GMEB1: variants seen among roughly 807,000 people sequenced by gnomAD.
GMEB1 encodes glucocorticoid modulatory element-binding protein 1.
A neutral mutation model predicts 52.4 loss-of-function variants in GMEB1; 6 were observed. The ratio of observed to expected loss-of-function variants is 0.11; its 90% CI spans 0.06 to 0.23. GMEB1 has a LOEUF of 0.23. GMEB1 is among the 10% of genes least tolerant of loss of function. The pLI, the probability that GMEB1 is intolerant of heterozygous loss-of-function variation, is 1.00. For missense variants in GMEB1, 486 were observed against 685.6 expected (o/e 0.71, Z 3.25); for synonymous variants, 255 against 244.9 (o/e 1.04, Z -0.38).
chr1:28,680,580 C>T lies in GMEB1; in HGVS notation c.-30-3003C>T, dbSNP rs527535300. Among the ~76,000 whole-genome samples the T allele has an allele frequency of 3.4e-4, 51 of 151,922 alleles. 1 individual carries two copies. The East Asian group carries it at 8.1e-3, about 24-fold the overall frequency. Reference sequence around the variant, plus strand: ...TGAAACCCAGTCTGTACTAAAAATACAAAAATTAGCTGGGCGTGGTGGTGC... The same window carrying T: ...TGAAACCCAGTCTGTACTAAAAATATAAAAATTAGCTGGGCGTGGTGGTGC... On this transcript the variant is annotated intron_variant, in intron 1 of 9. Coordinates refer to ENST00000373816, the MANE Select transcript of GMEB1 (RefSeq NM_001319674.2).
At chr1:28,700,374 C>G (rs1025453951) in intron 6 of GMEB1, among the ~76,000 whole-genome samples, 1 of 151,580 alleles carries the variant, frequency 6.6e-6, no homozygotes, top group South Asian at 2.1e-4. Flanking sequence ...ATTAGCTGGG[C>G]GTGGTGGTGA....
At chr1:28,679,824 G>T (rs1294511189) in intron 1 of GMEB1, among the ~76,000 whole-genome samples, 2 of 149,522 alleles carry the variant, frequency 1.3e-5, no homozygotes, top group Non-Finnish European at 1.5e-5. Context: ...TTTTTGAGTG[G>T]CAGTTTCACT....
At chr1:28,678,308 T>C (rs1242494776) in intron 1 of GMEB1, among the ~76,000 whole-genome samples, 4 of 143,162 alleles carry the variant, frequency 2.8e-5, no homozygotes, top group Non-Finnish European at 5.9e-5. Flanking sequence ...TTTTTGTTTG[T>C]TTGTTTGTTT....
intron 4 of GMEB1, among the ~76,000 whole-genome samples, chr1:28,692,134 C>T (rs989042997): frequency 2.6e-5 from 4 of 151,774 alleles, no homozygotes; most frequent in African/African-American, 9.7e-5. Context: ...CCTCAGCCTC[C>T]TCTGTAGCTG....
intron 7 of GMEB1, among the ~76,000 whole-genome samples, chr1:28,703,958 GAA>G (rs1670631256): frequency 6.6e-6 from 1 of 151,910 alleles, no homozygotes; most frequent in African/African-American, 2.4e-5. Flanking sequence ...CAAATTGAGA[GAA>G]TGACAAATTG....
chr1:28,702,230 C>T (rs1418066055), intron 6 of GMEB1, among the ~76,000 whole-genome samples: 1 of 152,252 alleles, frequency 6.6e-6, no homozygotes, highest in East Asian at 1.9e-4. Context: ...AGTAAGAAAG[C>T]ATTTTCCTTT....
chr1:28,676,141 G>A lies in GMEB1; in HGVS notation c.-31+7302G>A, dbSNP rs370692271. Among the ~76,000 whole-genome samples, 10 of 152,282 alleles carry A rather than the reference G, an allele frequency of 6.6e-5. 1 individual carries two copies. In the East Asian group the frequency reaches 9.6e-4, roughly 15 times the overall value. On this transcript the variant is annotated intron_variant, in intron 1 of 9. Transcript: ENST00000373816. ...AGAGTAAAATGTGAGTTCCTATTGA[G>A]GAAGGTATTAAGAAGTTAGTCAACC...
In GMEB1 at chr1:28,708,858, G is replaced by A. The variant is rs574203722; in HGVS notation, c.869-1662G>A. ...TAAAAATACAAAAATTAGGCCGGTC[G>A]AGGTGGCTCTCGCCTGTAATCCCAG... On this transcript the variant is annotated intron_variant, in intron 8 of 9. Transcript: ENST00000373816. Among the ~76,000 whole-genome samples, 11 of 152,014 alleles carry A rather than the reference G, an allele frequency of 7.2e-5. No homozygotes were observed. The East Asian group carries it at 1.5e-3, about 21-fold the overall frequency.
At chr1:28,688,152 G>A (rs373271591) in intron 2 of GMEB1, among the ~76,000 whole-genome samples, 4 of 152,138 alleles carry the variant, frequency 2.6e-5, no homozygotes, top group African/African-American at 4.8e-5. Flanking sequence ...GCGTGGTGGC[G>A]CATGCCTGTA....
At chr1:28,676,068 G>A (rs1570380054) in intron 1 of GMEB1, among the ~76,000 whole-genome samples, 3 of 152,286 alleles carry the variant, frequency 2.0e-5, no homozygotes, top group Middle Eastern at 6.8e-3. Flanking sequence ...GAAGGCTAGA[G>A]AAGAAGCCAG....
rs11316891 is a variant in GMEB1 at position 28,675,679 on chromosome 1, CAA to C, written c.-31+6855_-31+6856del. Among the ~76,000 whole-genome samples the C allele has an allele frequency of 8.5e-3, 852 of 100,070 alleles. 4 individuals are homozygous for C. The highest frequency in any genetic ancestry group is 0.034 in the African/African-American group (747 of 22,174). 65.6% of individuals were successfully genotyped at this position (100,070 alleles called of 152,430 possible). On this transcript the variant is annotated intron_variant, in intron 1 of 9. Coordinates refer to ENST00000373816, the MANE Select transcript of GMEB1 (RefSeq NM_001319674.2). ...TGGGCAACAGAGTGAGACTCTGTCT[CAA>C]AAAAAAAAAAAAAAGAAAAGAAAAG...
chr1:28,697,123 T>A, intron 6 of GMEB1, 39 bp downstream of exon 6: 1 of 1,392,032 alleles, frequency 7.2e-7, no homozygotes, highest in African/African-American at 1.5e-5. Context: ...CATTGTGTTT[T>A]TCAGCAGAAC....
At position 28,714,237 on chromosome 1, in the gene GMEB1, C is replaced by T. The variant is rs1671187994; in HGVS notation, c.1156C>T (p.Pro386Ser). 6.2e-7 allele frequency: 1 copy of T among 1,614,102 alleles called. No homozygotes were observed. Among genetic ancestry groups the T allele is most frequent in the African/African-American group, 1.3e-5 (1 of 74,944 alleles). Residue 386 changes from proline to serine, a missense_variant, in exon 10 of 10, where the codon CCT (proline) becomes TCT (serine). Physicochemically the swap from Pro to Ser is moderately conservative, Grantham distance 74. Transcript: ENST00000373816. The part of the protein sequence containing the change: ...ASTTVLSPSP[P>S]VQQPQFTVIS... ...CACCACTGTCTTGAGCCCTTCTCCTCCTGTCCAGCAGCCTCAGTTCACAGT... is the reference window on the plus strand; with the variant it reads ...CACCACTGTCTTGAGCCCTTCTCCTTCTGTCCAGCAGCCTCAGTTCACAGT...
chr1:28,685,384 A>G (rs1291282971), intron 2 of GMEB1, among the ~76,000 whole-genome samples: 1 of 151,868 alleles, frequency 6.6e-6, no homozygotes, highest in Non-Finnish European at 1.5e-5. Context: ...CAATTTTTGT[A>G]TTTTTAGAAG....
chr1:28,678,437 G>A (rs1262299777), intron 1 of GMEB1, among the ~76,000 whole-genome samples: 1 of 151,426 alleles, frequency 6.6e-6, no homozygotes, highest in Non-Finnish European at 1.5e-5. Flanking sequence ...AGCCTCCCGA[G>A]TAGCTTGGAC....
In GMEB1 at chr1:28,709,502, G is replaced by C. The variant is rs572930783; in HGVS notation, c.869-1018G>C. Among the ~76,000 whole-genome samples, 34 of 152,006 alleles carry C rather than the reference G, an allele frequency of 2.2e-4. No individual in the cohort carries two copies. In the South Asian group the frequency reaches 5.4e-3, roughly 24 times the overall value. On this transcript the variant is annotated intron_variant, in intron 8 of 9. Transcript: ENST00000373816. ...GGGAAATAGCAAAACTGAGATGAAC[G>C]TTAACTCTATCTAGTACAGGGACCA...
chr1:28,684,161 A>C (rs1669522473), intron 2 of GMEB1, among the ~76,000 whole-genome samples: 1 of 152,102 alleles, frequency 6.6e-6, no homozygotes, highest in African/African-American at 2.4e-5. Flanking sequence ...ATACCACTGC[A>C]CCTGGCTGAT....
In GMEB1 at chr1:28,676,495, A is replaced by G. The variant is rs183273831; in HGVS notation, c.-30-7088A>G. On this transcript the variant is annotated intron_variant, in intron 1 of 9. Transcript: ENST00000373816. Reference sequence around the variant, plus strand: ...GTAATCCCAACACTTTGGGAGGCCAAGGTGGGTGGATCACGAGGCCAGGAG... The same window carrying G: ...GTAATCCCAACACTTTGGGAGGCCAGGGTGGGTGGATCACGAGGCCAGGAG... 7.5e-3 allele frequency among the ~76,000 whole-genome samples: 1,145 copies of G among 152,300 alleles called. 10 individuals carry two copies. Among genetic ancestry groups the G allele is most frequent in the African/African-American group, 0.026 (1,081 of 41,580 alleles).
At position 28,714,872 on chromosome 1, in the gene GMEB1, T is replaced by C; in HGVS notation, c.*99T>C. Reference sequence around the variant, plus strand: ...ACTCATTTCCACATAGGACCCTTTTTTAAAAAAAAAAAAACAAAATCTTAT... The same window carrying C: ...ACTCATTTCCACATAGGACCCTTTTCTAAAAAAAAAAAAACAAAATCTTAT... On this transcript the variant is annotated 3_prime_UTR_variant, in exon 10 of 10. Transcript: ENST00000373816. 1.2e-6 allele frequency: 1 copy of C among 812,084 alleles called. No homozygotes were observed. The allele number at this position is 812,084 out of a possible 1,614,324, so 50.3% of individuals were successfully genotyped here.
Sources: allele counts gnomAD v4.1 joint callset (sites outside exome capture counted in the v4.1 genomes callset), GRCh38; gene constraint gnomAD v4.1.1; transcripts MANE v1.5; gene names NCBI Gene and HGNC (gene_info 2026-07-23, HGNC 2026-07-21).